AP3B2: variants seen among roughly 807,000 people sequenced by gnomAD.
The protein encoded by AP3B2 is adaptor related protein complex 3 subunit beta 2.
AP3B2 carries 50 observed loss-of-function variants against 126.9 expected under a neutral mutation model. That is an observed-to-expected ratio of 0.39 (90% CI 0.31 to 0.50). AP3B2 has a LOEUF of 0.50. Ranked by LOEUF, AP3B2 falls within the 20% of genes least tolerant of loss-of-function variation. The pLI is 0.79. For missense variants in AP3B2, 1,177 were observed against 1,426.4 expected, an observed-to-expected ratio of 0.83 and a Z score of 2.82; for synonymous variants, 541 against 565.0, an observed-to-expected ratio of 0.96 and a Z score of 0.60.
intron 1 of AP3B2, 69 bp from the exon 2 acceptor site, chr15:82,689,522 A>G: frequency 6.7e-7 from 1 of 1,487,406 alleles, no homozygotes; most frequent in Non-Finnish European, 9.2e-7. Flanking sequence ...AGGAGGGTCC[A>G]GGCACAAAGA....
intron 23 of AP3B2, 96 bp downstream of exon 23, chr15:82,662,598 G>T: frequency 1.7e-6 from 2 of 1,166,550 alleles, no homozygotes; most frequent in Non-Finnish European, 2.5e-6. Context: ...CCTATAGCTT[G>T]GCCCCTGGCC....
intron 1 of AP3B2, among the ~76,000 whole-genome samples, chr15:82,690,642 CTTTTTTTTTTTTTT>C (rs147811093): frequency 2.9e-5 from 2 of 68,926 alleles, no homozygotes; most frequent in Admixed American, 3.7e-4. Context: ...TTTTCTTCTT[CTTTTTTTTTTTTTT>C]TTTTTTTTTT....
Position 82,666,872 on chromosome 15 carries a change from C to A in AP3B2, c.1727G>T (p.Arg576Leu), listed in dbSNP as rs752418242. ...CTGCCGGGTGAAGCGCGCCCGGTCG[C>A]GAATATCATAGTTCTGGTCATATTT... ...LAKYDQNYDI[R>L]DRARFTRQLI... is the part of the protein sequence containing the mutation. Residue 576 changes from arginine to leucine, a missense_variant, in exon 15 of 27, where the codon CGC becomes CTC. Physicochemically the swap from Arg to Leu is moderately radical, Grantham distance 102 (BLOSUM62 -2). This residue lies in a region of AP3B2 where 308 missense variants were observed against 452.4 expected (regional missense o/e 0.68). Coordinates refer to ENST00000535359, the MANE Select transcript of AP3B2 (RefSeq NM_001278512.2). 1 of 1,613,922 alleles carries A rather than the reference C, an allele frequency of 6.2e-7. No homozygotes were observed. Among genetic ancestry groups the A allele is most frequent in the South Asian group, 1.1e-5 (1 of 91,070 alleles).
chr15:82,698,834 A>C (rs1219118311), intron 1 of AP3B2, among the ~76,000 whole-genome samples: 26 of 152,080 alleles, frequency 1.7e-4, no homozygotes, highest in Admixed American at 1.7e-3. Flanking sequence ...TAGTGAGTAC[A>C]TTCCAGGCCC....
In AP3B2 at chr15:82,665,318, G is replaced by A. The variant is rs1345290462; in HGVS notation, c.1972-15C>T. On this transcript the variant is annotated splice_polypyrimidine_tract_variant and intron_variant, in intron 16 of 26. Transcript: ENST00000535359. The surrounding 1 kb of genome is among the most constrained non-coding windows in gnomAD (Gnocchi z 4.4). ...AGATCTTCTTCCTGTGTGTGTGGGG[G>A]AGGGTGTTAGGAGGGCTGGGCCGGC... The A allele has an allele frequency of 1.5e-5, 23 of 1,578,034 alleles. No individual in the cohort carries two copies. The highest frequency in any genetic ancestry group is 2.0e-5 in the Non-Finnish European group (23 of 1,169,470).
chr15:82,664,106 C>A lies in AP3B2; in HGVS notation c.2262-131G>T. Reference sequence around the variant, plus strand: ...GCCAGGAGGGTTCACACCTGAGGTCCTATAGCAGGGACCCCGTGAGAGCTT... The same window carrying A: ...GCCAGGAGGGTTCACACCTGAGGTCATATAGCAGGGACCCCGTGAGAGCTT... On this transcript the variant is annotated intron_variant, in intron 19 of 26. Transcript: ENST00000535359. This position sits in a 1 kb window ranked among gnomAD's most constrained non-coding sequence, Gnocchi z 4.5. 1 of 1,419,092 alleles carries A rather than the reference C, an allele frequency of 7.0e-7. No individual in the cohort carries two copies. The allele number at this position is 1,419,092 out of a possible 1,614,324, so 87.9% of individuals were successfully genotyped here.
At chr15:82,669,190 G>A (rs2151432832) in intron 14 of AP3B2, among the ~76,000 whole-genome samples, 1 of 152,282 alleles carries the variant, frequency 6.6e-6, no homozygotes, top group Admixed American at 6.5e-5. Flanking sequence ...CTATGATTAT[G>A]TTTTATTAAG....
In AP3B2 at chr15:82,659,327, A is replaced by G; in HGVS notation, c.*233T>C. The G allele has an allele frequency of 4.0e-6, 2 of 499,090 alleles. 1 individual carries two copies. The highest frequency in any genetic ancestry group is 1.0e-3 in the Middle Eastern group (2 of 1,930). The allele number at this position is 499,090 out of a possible 1,614,324, so 30.9% of individuals were successfully genotyped here. ...AGCCTGCTACATAAATAGCTACAGA[A>G]ATCTGGGAGGACTGAAGGGAGTGGC... On this transcript the variant is annotated 3_prime_UTR_variant, in exon 27 of 27. Transcript: ENST00000535359.
chr15:82,689,344 C>T (rs775173331), intron 2 of AP3B2, 34 bp downstream of exon 2: 34 of 1,612,868 alleles, frequency 2.1e-5, no homozygotes, highest in Middle Eastern at 1.7e-4. Flanking sequence ...ACCCAGGCCC[C>T]GCCCGGAGGG....
At chr15:82,663,030 C>A in intron 22 of AP3B2, 97 bp downstream of exon 22, 2 of 1,485,604 alleles carry the variant, frequency 1.3e-6, no homozygotes, top group Admixed American at 3.9e-5. Flanking sequence ...CTATCACATC[C>A]TCCATCACAC....
chr15:82,699,853 G>A lies in AP3B2; in HGVS notation c.113+9741C>T, dbSNP rs186017271. 9.7e-3 allele frequency: 3,878 copies of A among 399,750 alleles called. 32 individuals are homozygous for A. Among genetic ancestry groups the A allele is most frequent in the Non-Finnish European group, 0.013 (2,898 of 226,696 alleles). The allele number at this position is 399,750 out of a possible 1,614,324, so 24.8% of individuals were successfully genotyped here. A position where few individuals can be genotyped will look rare whatever the true frequency, so the allele number is the denominator to read the frequency against. ...GACCCCAGGCCTCACCACGGCCCCC[G>A]GGAGCTGCAGGAATCGCTGCATCAG... On this transcript the variant is annotated intron_variant, in intron 1 of 26. Transcript: ENST00000535359.
chr15:82,659,979 C>T lies in AP3B2; in HGVS notation c.3021G>A (p.Lys1007=). Residue 1007 remains lysine, a synonymous_variant, in exon 26 of 27, where the codon AAG becomes AAA. Coordinates refer to ENST00000535359, the MANE Select transcript of AP3B2 (RefSeq NM_001278512.2). ...SENEFKKEQG[K]LMGMNEITEK... The stretch of plus-strand genomic sequence containing the variant: ...CTGTGATCTCATTCATGCCCATCAG[C>T]TTTCCTGGGGGTAGAGGTCGTGATG... 1 of 1,613,824 alleles carries T rather than the reference C, an allele frequency of 6.2e-7. No individual in the cohort carries two copies. Among genetic ancestry groups the T allele is most frequent in the South Asian group, 1.1e-5 (1 of 91,084 alleles).
At position 82,659,627 on chromosome 15, in the gene AP3B2, ACAGT is replaced by A. The variant is rs756807665; in HGVS notation, c.3235_3238del (p.Thr1079SerfsTer7). ...GCCAATCACCATTTTCTCGCTGTTG[ACAGT>A]CAGCTGGGCAGCTCCAGCTGGCCGG... On this transcript the variant is annotated frameshift_variant, in exon 27 of 27. Coordinates refer to ENST00000535359, the MANE Select transcript of AP3B2 (RefSeq NM_001278512.2). LOFTEE classifies it high-confidence loss of function. 1.2e-5 allele frequency: 20 copies of A among 1,613,836 alleles called. No individual in the cohort carries two copies. The highest frequency in any genetic ancestry group is 2.2e-5 in the South Asian group (2 of 91,088).
rs1335954280 is a variant in AP3B2 at position 82,689,185 on chromosome 15, C to G, written c.237G>C (p.Val79=). Residue 79 remains valine (V), a synonymous_variant, in exon 3 of 27, where the codon GTG becomes GTC. Coordinates refer to ENST00000535359, the MANE Select transcript of AP3B2 (RefSeq NM_001278512.2). ...KNASDLFPAV[V]KNVACKNIEV... is the part of the protein sequence containing the mutation. ...CTATGTTCTTACAGGCCACGTTCTT[C>G]ACCACCGCGGGAAACAGGTCTGAAG... 6.2e-7 allele frequency: 1 copy of G among 1,613,870 alleles called. No homozygotes were observed. The highest frequency in any genetic ancestry group is 1.3e-5 in the African/African-American group (1 of 74,912).
At chr15:82,667,055 G>C in intron 14 of AP3B2, 122 bp from the exon 15 acceptor site, 1 of 1,000,310 alleles carries the variant, frequency 1.0e-6, no homozygotes, top group Non-Finnish European at 1.5e-6. Flanking sequence ...TAGGACCGGC[G>C]CTTCCACCCA....
rs889969562 is a variant in AP3B2 at position 82,695,464 on chromosome 15, G to C, written c.114-6011C>G. Among the ~76,000 whole-genome samples the C allele has an allele frequency of 2.6e-5, 4 of 152,036 alleles. No homozygotes were observed. The South Asian group carries it at 8.3e-4, about 32-fold the overall frequency. ...AATGGGGAGTGGGGCTGATGGTTGA[G>C]TTGATCACATGGCCAAAGATGCGAT... On this transcript the variant is annotated intron_variant, in intron 1 of 26. Transcript: ENST00000535359.
chr15:82,703,185 T>G lies in AP3B2; in HGVS notation c.113+6409A>C, dbSNP rs184942850. Among the ~76,000 whole-genome samples, 33 of 152,306 alleles carry G rather than the reference T, an allele frequency of 2.2e-4. No individual in the cohort carries two copies. The East Asian group carries it at 6.0e-3, about 28-fold the overall frequency. Reference sequence around the variant, plus strand: ...ATTATTCACCCACGTTTCAGAGTTGTCTGATCACCGCGAGGATGCCTGCCT... The same window carrying G: ...ATTATTCACCCACGTTTCAGAGTTGGCTGATCACCGCGAGGATGCCTGCCT... On this transcript the variant is annotated intron_variant, in intron 1 of 26. Coordinates refer to ENST00000535359, the MANE Select transcript of AP3B2 (RefSeq NM_001278512.2).
intron 14 of AP3B2, among the ~76,000 whole-genome samples, chr15:82,670,420 T>G (rs570075936): frequency 1.8e-4 from 27 of 152,312 alleles, no homozygotes; most frequent in African/African-American, 6.5e-4. Context: ...GTGAATTCAT[T>G]TTTGACAAAG....
chr15:82,701,671 TTAGA>T (rs1446989199), intron 1 of AP3B2, among the ~76,000 whole-genome samples: 1 of 152,244 alleles, frequency 6.6e-6, no homozygotes, highest in East Asian at 1.9e-4. Context: ...GAATAGATGG[TTAGA>T]TAAAGCAAAT....
Sources: gnomAD v4.1 joint callset for allele counts (sites outside exome capture counted in the v4.1 genomes callset) on GRCh38, gnomAD v4.1.1 for gene constraint, gnomAD v4.1.1 regional missense constraint, Gnocchi (gnomAD v3.1) non-coding constraint, MANE v1.5 for transcripts, NCBI Gene and HGNC (gene_info 2026-07-23, HGNC 2026-07-21) for gene names.